SUPT3H: variants seen among roughly 807,000 people sequenced by gnomAD.
The protein encoded by SUPT3H is SPT3 homolog, SAGA and STAGA complex component.
Under a neutral mutation model 44.3 loss-of-function variants are expected in SUPT3H, and 44 were observed. The ratio of observed to expected loss-of-function variants is 0.99; its 90% CI spans 0.78 to 1.28. The LOEUF (loss-of-function observed/expected upper bound fraction) is 1.28, where lower values mean the gene tolerates loss of function less well. Ranked by LOEUF, SUPT3H falls within the 50% of genes most tolerant of loss-of-function variation. SUPT3H has a pLI of 0.00. For synonymous variants in SUPT3H, 124 were observed against 125.6 expected (o/e 0.99, Z 0.09); for missense variants, 380 against 387.1 (o/e 0.98, Z 0.15).
At chr6:44,962,739 A>G (rs945813998) in intron 6 of SUPT3H, among the ~76,000 whole-genome samples, 6 of 152,118 alleles carry the variant, frequency 3.9e-5, no homozygotes, top group Admixed American at 1.3e-4. Context: ...GTCAATTCCA[A>G]TGATAGGTCA....
chr6:44,989,156 C>A (rs1231653505), intron 6 of SUPT3H, among the ~76,000 whole-genome samples: 8 of 151,876 alleles, frequency 5.3e-5, no homozygotes, highest in Non-Finnish European at 1.2e-4. Context: ...GACTGATATC[C>A]CAAGGAAATA....
intron 2 of SUPT3H, among the ~76,000 whole-genome samples, chr6:45,307,067 G>A (rs910127054): frequency 1.3e-5 from 2 of 152,226 alleles, no homozygotes; most frequent in African/African-American, 2.4e-5. Flanking sequence ...AGCAAGGCTG[G>A]GGGAGGGGTG....
At chr6:45,284,161 C>A (rs1386436834) in intron 2 of SUPT3H, among the ~76,000 whole-genome samples, 1 of 152,014 alleles carries the variant, frequency 6.6e-6, no homozygotes, top group African/African-American at 2.4e-5. Context: ...AAAATTGACA[C>A]CCTAACATCA....
At chr6:44,857,036 C>T (rs1773849733) in intron 10 of SUPT3H, among the ~76,000 whole-genome samples, 1 of 151,884 alleles carries the variant, frequency 6.6e-6, no homozygotes, top group African/African-American at 2.4e-5. Context: ...ATAAACTAAC[C>T]CAAAACATAG....
chr6:45,301,289 A>C (rs1782107513), intron 2 of SUPT3H, among the ~76,000 whole-genome samples: 1 of 152,252 alleles, frequency 6.6e-6, no homozygotes, highest in South Asian at 2.1e-4. Flanking sequence ...AACACAGAGC[A>C]GGTACAATTG....
intron 6 of SUPT3H, among the ~76,000 whole-genome samples, chr6:44,962,657 C>A (rs1776196523): frequency 6.6e-6 from 1 of 151,386 alleles, no homozygotes; most frequent in Non-Finnish European, 1.5e-5. Context: ...AGTACCATTT[C>A]TTCTAATGTC....
chr6:45,286,292 C>T (rs1779254245), intron 2 of SUPT3H, among the ~76,000 whole-genome samples: 3 of 152,028 alleles, frequency 2.0e-5, no homozygotes, highest in Admixed American at 6.6e-5. Flanking sequence ...AAGAATCTAC[C>T]ATCAGAGTGA....
intron 10 of SUPT3H, among the ~76,000 whole-genome samples, chr6:44,850,105 G>A (rs909241074): frequency 3.9e-5 from 6 of 152,150 alleles, no homozygotes; most frequent in Admixed American, 3.3e-4. Context: ...GAAACAAAAT[G>A]CTAGTTAATG....
At chr6:44,912,177 G>A (rs764594478) in intron 10 of SUPT3H, among the ~76,000 whole-genome samples, 3 of 152,116 alleles carry the variant, frequency 2.0e-5, no homozygotes, top group Non-Finnish European at 4.4e-5. Context: ...TATTGTACAA[G>A]CATCATCATC....
At chr6:44,913,619 C>T (rs1302408820) in intron 10 of SUPT3H, among the ~76,000 whole-genome samples, 2 of 152,094 alleles carry the variant, frequency 1.3e-5, no homozygotes, top group South Asian at 2.1e-4. Flanking sequence ...TAATTGATGA[C>T]TACACATAAA....
intron 2 of SUPT3H, among the ~76,000 whole-genome samples, chr6:45,272,460 T>C (rs1776342704): frequency 6.6e-6 from 1 of 152,188 alleles, no homozygotes; most frequent in Non-Finnish European, 1.5e-5. Flanking sequence ...GCCATAATTG[T>C]GAGGCTTCCC....
At chr6:45,334,632 A>G (rs1366995888) in intron 2 of SUPT3H, among the ~76,000 whole-genome samples, 1 of 151,204 alleles carries the variant, frequency 6.6e-6, no homozygotes, top group African/African-American at 2.4e-5. Context: ...TACGTGTCAT[A>G]TATGTTCAAC....
At chr6:45,111,096 G>A (rs990908539) in intron 2 of SUPT3H, among the ~76,000 whole-genome samples, 8 of 149,560 alleles carry the variant, frequency 5.3e-5, no homozygotes, top group Admixed American at 2.0e-4. Flanking sequence ...GCAGTGGCGC[G>A]ACCTTCGCTC....
At chr6:45,283,499 A>C (rs910617305) in intron 2 of SUPT3H, among the ~76,000 whole-genome samples, 1 of 152,198 alleles carries the variant, frequency 6.6e-6, no homozygotes, top group Non-Finnish European at 1.5e-5. Flanking sequence ...AGGCCATTAC[A>C]TAATGGTAAA....
chr6:44,901,767 CAGAG>C (rs1765103246), intron 10 of SUPT3H, among the ~76,000 whole-genome samples: 1 of 151,758 alleles, frequency 6.6e-6, no homozygotes, highest in Non-Finnish European at 1.5e-5. Flanking sequence ...TAAGGGCAGC[CAGAG>C]AGAAAGGTCG....
chr6:44,842,784 A>G (rs1051878220), intron 10 of SUPT3H, among the ~76,000 whole-genome samples: 2 of 152,270 alleles, frequency 1.3e-5, no homozygotes, highest in East Asian at 3.9e-4. Flanking sequence ...CATTTATTAC[A>G]TTACTATATA....
chr6:44,873,536 A>G (rs1410619460), intron 10 of SUPT3H, among the ~76,000 whole-genome samples: 1 of 53,720 alleles, frequency 1.9e-5, no homozygotes, highest in Non-Finnish European at 4.0e-5. Flanking sequence ...AAATGCCCAC[A>G]AGAGAAAGCA....
chr6:44,849,573 G>A (rs1772527804), intron 10 of SUPT3H, among the ~76,000 whole-genome samples: 1 of 152,164 alleles, frequency 6.6e-6, no homozygotes, highest in Admixed American at 6.5e-5. Flanking sequence ...TAATCATGAG[G>A]ATCTGGAGAA....
intron 2 of SUPT3H, among the ~76,000 whole-genome samples, chr6:45,139,842 G>A (rs10456542): frequency 0.22 from 33,305 of 151,976 alleles, 4,474 homozygotes; most frequent in Non-Finnish European, 0.31. Flanking sequence ...CAGGGTGAAC[G>A]AAGCTTCCCA....
Sources: allele counts gnomAD v4.1 joint callset (sites outside exome capture counted in the v4.1 genomes callset), GRCh38; gene constraint gnomAD v4.1.1; transcripts MANE v1.5; gene names NCBI Gene and HGNC (gene_info 2026-07-23, HGNC 2026-07-21).